The following PSD3 variants were observed in gnomAD, a reference collection of about 807,000 sequenced individuals.
PSD3 encodes pleckstrin and Sec7 domain containing 3.
Under a neutral mutation model 105.5 loss-of-function variants are expected in PSD3, and 49 were observed. That is an observed-to-expected ratio of 0.46 (90% CI 0.37 to 0.59). The LOEUF is 0.59. PSD3 is among the 20% of genes least tolerant of loss of function. PSD3 has a pLI of 0.00. For missense variants in PSD3, 1,561 were observed against 1,263.8 expected (o/e 1.24, Z -3.57); for synonymous variants, 557 against 457.8 (o/e 1.22, Z -2.77).
Position 19,064,620 on chromosome 8 carries a change from T to A in PSD3, c.324+19586A>T, listed in dbSNP as rs781218469. Among the ~76,000 whole-genome samples, 9 of 152,308 alleles carry A rather than the reference T, an allele frequency of 5.9e-5. No individual in the cohort carries two copies. In the South Asian group the frequency reaches 1.9e-3, roughly 32 times the overall value. On this transcript the variant is annotated intron_variant, in intron 1 of 1. Coordinates refer to the PSD3 transcript ENST00000521475. ...CAGCAGATTAATCTTCTGAATGTGA[T>A]GAGGTCCCCCCTAGCAAAAAATGTT...
chr8:18,923,977 T>C (rs771596304), intron 2 of PSD3, among the ~76,000 whole-genome samples: 1 of 149,786 alleles, frequency 6.7e-6, no homozygotes, highest in Non-Finnish European at 1.5e-5. Flanking sequence ...ACAAAAACAC[T>C]GAACAGACAG....
At chr8:18,972,041 T>G (rs949471017) in intron 1 of PSD3, among the ~76,000 whole-genome samples, 9 of 152,196 alleles carry the variant, frequency 5.9e-5, no homozygotes, top group African/African-American at 2.2e-4. Flanking sequence ...AAGAGTCAGA[T>G]GAAGATTTAA....
At chr8:18,653,642 C>T (rs947840688) in intron 10 of PSD3, among the ~76,000 whole-genome samples, 1 of 152,118 alleles carries the variant, frequency 6.6e-6, no homozygotes, top group Admixed American at 6.6e-5. Context: ...GCTAACTTCA[C>T]AAGAAGAAAC....
rs1341668890 is a variant in PSD3 at position 18,529,858 on chromosome 8, G to T, written c.*5885C>A. 2 of 152,460 alleles carry T rather than the reference G, an allele frequency of 1.3e-5. No homozygotes were observed. The highest frequency in any genetic ancestry group is 2.9e-5 in the Non-Finnish European group (2 of 68,036). 9.4% of individuals were successfully genotyped at this position (152,460 alleles called of 1,614,324 possible). A position where few individuals can be genotyped will look rare whatever the true frequency, so the allele number is the denominator to read the frequency against. On this transcript the variant is annotated 3_prime_UTR_variant, in exon 16 of 16. Transcript: ENST00000327040. ...CTGCAGATCACAATAATTCTTAGAA[G>T]GAAATACTCTCGCAAAACTAAGACC...
chr8:18,539,952 G>A (rs950197238), intron 15 of PSD3, among the ~76,000 whole-genome samples: 1 of 152,108 alleles, frequency 6.6e-6, no homozygotes, highest in Admixed American at 6.5e-5. Context: ...TCATATTGCG[G>A]CAGACGGTGT....
chr8:19,032,014 C>G (rs1359852022), intron 1 of PSD3, among the ~76,000 whole-genome samples: 1 of 152,098 alleles, frequency 6.6e-6, no homozygotes, highest in Admixed American at 6.5e-5. Flanking sequence ...TAGGGAAATC[C>G]TTTCTGCACA....
intron 4 of PSD3, among the ~76,000 whole-genome samples, chr8:18,818,331 T>C (rs1812395443): frequency 6.6e-6 from 1 of 151,994 alleles, no homozygotes; most frequent in Non-Finnish European, 1.5e-5. Context: ...CCTTCATTTA[T>C]TATATTTTAA....
chr8:18,647,172 C>T (rs554468398), intron 10 of PSD3, among the ~76,000 whole-genome samples: 2 of 152,282 alleles, frequency 1.3e-5, no homozygotes, highest in East Asian at 3.9e-4. Flanking sequence ...GCACTGATTT[C>T]CTGAAAAGAC....
chr8:18,541,157 G>GAAAA, intron 15 of PSD3, among the ~76,000 whole-genome samples: 1 of 139,464 alleles, frequency 7.2e-6, no homozygotes. Flanking sequence ...TATTTTACTT[G>GAAAA]AAAAAAAAAA....
At chr8:18,722,117 T>A (rs1254678550) in intron 9 of PSD3, among the ~76,000 whole-genome samples, 2 of 151,658 alleles carry the variant, frequency 1.3e-5, no homozygotes, top group Non-Finnish European at 2.9e-5. Flanking sequence ...AGCTGCGGTA[T>A]TGAACTTAAA....
intron 1 of PSD3, among the ~76,000 whole-genome samples, chr8:18,981,224 G>C (rs1163620153): frequency 1.3e-5 from 2 of 152,152 alleles, no homozygotes; most frequent in Non-Finnish European, 2.9e-5. Context: ...TGAATGAACA[G>C]ATGAATGAAA....
intron 2 of PSD3, among the ~76,000 whole-genome samples, chr8:18,890,686 C>T (rs1008454663): frequency 6.6e-6 from 1 of 152,104 alleles, no homozygotes; most frequent in Non-Finnish European, 1.5e-5. Context: ...CTGCAAACCT[C>T]TATAATTGTC....
chr8:18,790,076 G>C (rs1403118085), intron 8 of PSD3, among the ~76,000 whole-genome samples: 1 of 151,992 alleles, frequency 6.6e-6, no homozygotes, highest in African/African-American at 2.4e-5. Flanking sequence ...TAGAGGGTGG[G>C]GAAAGGGGAC....
Position 18,534,574 on chromosome 8 carries a change from G to A in PSD3, c.*1169C>T, listed in dbSNP as rs1212198704. Reference sequence around the variant, plus strand: ...GGAGACTGAGACAAGAATAAACAAAGTCACTTTGCACCTGCAACCAGAAGA... The same window carrying A: ...GGAGACTGAGACAAGAATAAACAAAATCACTTTGCACCTGCAACCAGAAGA... On this transcript the variant is annotated 3_prime_UTR_variant, in exon 16 of 16. Transcript: ENST00000327040. The A allele has an allele frequency of 6.6e-6, 1 of 152,150 alleles. No homozygotes were observed. The highest frequency in any genetic ancestry group is 1.5e-5 in the Non-Finnish European group (1 of 68,022). 9.4% of individuals were successfully genotyped at this position (152,150 alleles called of 1,614,324 possible). A position where few individuals can be genotyped will look rare whatever the true frequency, so the allele number is the denominator to read the frequency against.
intron 11 of PSD3, among the ~76,000 whole-genome samples, chr8:18,611,577 T>C (rs1414137955): frequency 2.7e-5 from 4 of 146,988 alleles, no homozygotes; most frequent in Non-Finnish European, 6.1e-5. Flanking sequence ...AGTTAATATA[T>C]GCAATCCTTT....
chr8:18,814,019 G>C (rs191182929), intron 4 of PSD3, among the ~76,000 whole-genome samples: 1 of 152,334 alleles, frequency 6.6e-6, no homozygotes, highest in East Asian at 1.9e-4. Flanking sequence ...TTAGCGCTCA[G>C]TAGGAATACT....
At chr8:18,916,375 CACA>C (rs1317505465) in intron 2 of PSD3, among the ~76,000 whole-genome samples, 30 of 80,362 alleles carry the variant, frequency 3.7e-4, no homozygotes, top group African/African-American at 1.0e-3. Flanking sequence ...CACACACACA[CACA>C]AACAGAATAC....
At chr8:18,562,097 G>GA (rs1261183263) in intron 14 of PSD3, among the ~76,000 whole-genome samples, 3 of 152,170 alleles carry the variant, frequency 2.0e-5, no homozygotes, top group Admixed American at 6.5e-5. Flanking sequence ...AGAGAATCGG[G>GA]AAACAGAGAA....
chr8:18,930,602 G>A (rs933672459), intron 2 of PSD3, among the ~76,000 whole-genome samples: 2 of 140,924 alleles, frequency 1.4e-5, no homozygotes, highest in Admixed American at 7.6e-5. Flanking sequence ...ATGGAGTCTC[G>A]CTCTGTTGCC....
Sources: allele counts gnomAD v4.1 joint callset (sites outside exome capture counted in the v4.1 genomes callset), GRCh38; gene constraint gnomAD v4.1.1; transcripts MANE v1.5; gene names NCBI Gene and HGNC (gene_info 2026-07-23, HGNC 2026-07-21).